Variants in FCRL2 observed in about 807,000 individuals in gnomAD.
FCRL2 encodes the protein Fc receptor like 2, also known as Fc receptor-like protein 2.
In FCRL2, 48 loss-of-function variants were observed where a neutral mutation model predicts 59.8. That is an observed-to-expected ratio of 0.80 (90% confidence interval 0.64 to 1.02). The LOEUF (loss-of-function observed/expected upper bound fraction) is 1.02, where lower values mean the gene tolerates loss of function less well. Ranked by LOEUF, FCRL2 falls within the 50% of genes least tolerant of loss-of-function variation. The pLI is 0.00. For missense variants in FCRL2, 658 were observed against 597.3 expected (o/e 1.10, Z -1.06); for synonymous variants, 251 against 229.5 (o/e 1.09, Z -0.85).
At chr1:157,772,893 C>G (rs1429553383) in intron 2 of FCRL2, among the ~76,000 whole-genome samples, 2 of 152,176 alleles carry the variant, frequency 1.3e-5, no homozygotes, top group East Asian at 1.9e-4. Flanking sequence ...CTCTAGAACT[C>G]TCTCTCACCA....
intron 2 of FCRL2, among the ~76,000 whole-genome samples, chr1:157,773,404 G>A (rs112810844): frequency 1.3e-5 from 2 of 152,302 alleles, no homozygotes; most frequent in African/African-American, 4.8e-5. Context: ...GGAATAAGAG[G>A]TCATCATAAC....
In FCRL2 at chr1:157,767,248, A is replaced by T. The variant is rs1649568476; in HGVS notation, c.1145T>A (p.Val382Glu). Residue 382 changes from valine (V) to glutamate (E), a missense_variant, in exon 6 of 12, where the codon GTG becomes GAG. Coordinates refer to ENST00000361516, the MANE Select transcript of FCRL2 (RefSeq NM_030764.4). ...NGLGAQCSEA[V>E]PVSISGPDGY... ...CCACCCACCTGAGATGGAGACTGGC[A>T]CTGCCTCACTGCACTGGGCCCCCAG... 1 of 1,613,230 alleles carries T rather than the reference A, an allele frequency of 6.2e-7. No homozygotes were observed. The highest frequency in any genetic ancestry group is 1.3e-5 in the African/African-American group (1 of 74,896).
intron 4 of FCRL2, 92 bp from the exon 5 acceptor site, chr1:157,768,793 A>T (rs971480984): frequency 8.1e-7 from 1 of 1,241,904 alleles, no homozygotes; most frequent in South Asian, 1.5e-5. Context: ...AAATGTGGGA[A>T]TGTGGAGATT....
intron 7 of FCRL2, among the ~76,000 whole-genome samples, chr1:157,764,066 T>G (rs2101722276): frequency 2.8e-5 from 4 of 142,646 alleles, no homozygotes; most frequent in South Asian, 2.2e-4. Context: ...TAGCCGGGTG[T>G]GGTGGCACAC....
intron 2 of FCRL2, among the ~76,000 whole-genome samples, chr1:157,771,388 C>T (rs1392663481): frequency 6.6e-6 from 1 of 152,148 alleles, no homozygotes; most frequent in Non-Finnish European, 1.5e-5. Context: ...AGGTCCCATC[C>T]CCTCTTCTTA....
chr1:157,746,477 A>G lies in FCRL2; in HGVS notation c.*259T>C. 3.6e-6 allele frequency: 2 copies of G among 548,192 alleles called. No homozygotes were observed. Among genetic ancestry groups the G allele is most frequent in the Non-Finnish European group, 3.3e-6 (1 of 306,094 alleles). 34.0% of individuals were successfully genotyped at this position (548,192 alleles called of 1,614,324 possible). The stretch of plus-strand genomic sequence containing the variant: ...TCATTCTTCCCTCAAATCTTTACAC[A>G]CTGATTGCTTAAGAGAAGGTAGCAG... On this transcript the variant is annotated 3_prime_UTR_variant, in exon 12 of 12. Coordinates refer to ENST00000361516, the MANE Select transcript of FCRL2 (RefSeq NM_030764.4).
At chr1:157,771,065 T>A (rs974404304) in intron 2 of FCRL2, among the ~76,000 whole-genome samples, 1 of 152,072 alleles carries the variant, frequency 6.6e-6, no homozygotes, top group Non-Finnish European at 1.5e-5. Flanking sequence ...AAAGCATTAG[T>A]CCTATTCATG....
chr1:157,766,062 T>C (rs1472932166), intron 7 of FCRL2, among the ~76,000 whole-genome samples: 1 of 152,198 alleles, frequency 6.6e-6, no homozygotes, highest in Non-Finnish European at 1.5e-5. Flanking sequence ...TGGGTGAAGA[T>C]GGCTTCTTAT....
chr1:157,763,079 T>C (rs1395284867), intron 7 of FCRL2, among the ~76,000 whole-genome samples: 2 of 151,926 alleles, frequency 1.3e-5, no homozygotes, highest in Admixed American at 1.3e-4. Context: ...CCACTTAAAT[T>C]CCCCAAGATT....
intron 5 of FCRL2, 173 bp downstream of exon 5, chr1:157,768,241 C>T (rs1379190770): frequency 1.7e-6 from 1 of 601,862 alleles, no homozygotes; most frequent in Non-Finnish European, 2.9e-6. Flanking sequence ...ATATTTCCTT[C>T]CACAAAAAGA....
intron 7 of FCRL2, 27 bp from the exon 8 acceptor site, chr1:157,749,704 T>G (rs746115849): frequency 6.3e-7 from 1 of 1,599,332 alleles, no homozygotes. Flanking sequence ...ACAAAATTCA[T>G]TTCAGAGAAG....
At chr1:157,768,945 T>C (rs554652859) in intron 4 of FCRL2, 1 of 432,066 alleles carries the variant, frequency 2.3e-6, no homozygotes, top group South Asian at 4.5e-5. Context: ...TTGTGATAGA[T>C]CTCCATGAGA....
At chr1:157,772,986 T>C (rs1015993718) in intron 2 of FCRL2, among the ~76,000 whole-genome samples, 1 of 152,140 alleles carries the variant, frequency 6.6e-6, no homozygotes, top group Non-Finnish European at 1.5e-5. Flanking sequence ...AAGCAAGTCA[T>C]GTAGACTTGC....
chr1:157,749,138 T>C (rs569671524), intron 8 of FCRL2, among the ~76,000 whole-genome samples, 178 bp from the exon 9 acceptor site: 2 of 152,316 alleles, frequency 1.3e-5, no homozygotes, highest in East Asian at 1.9e-4. Flanking sequence ...CTGTTCCTTA[T>C]CTTTGGCTTT....
chr1:157,766,739 G>T lies in FCRL2; in HGVS notation c.1279+116C>A, dbSNP rs934391056. Reference sequence around the variant, plus strand: ...CTTGCAGAATTATGAAGCATAAAAAGAAATTATTGGCTTTTGGAGAGTTTT... The same window carrying T: ...CTTGCAGAATTATGAAGCATAAAAATAAATTATTGGCTTTTGGAGAGTTTT... On this transcript the variant is annotated intron_variant, in intron 7 of 11. Transcript: ENST00000361516. The T allele has an allele frequency of 1.1e-5, 16 of 1,523,444 alleles. No homozygotes were observed. The East Asian group carries it at 3.1e-4, about 29-fold the overall frequency. 94.4% of individuals were successfully genotyped at this position (1,523,444 alleles called of 1,614,324 possible). A position where few individuals can be genotyped will look rare whatever the true frequency, so the allele number is the denominator to read the frequency against.
At chr1:157,763,595 ACT>A (rs1251504742) in intron 7 of FCRL2, among the ~76,000 whole-genome samples, 2 of 152,188 alleles carry the variant, frequency 1.3e-5, no homozygotes, top group African/African-American at 4.8e-5. Flanking sequence ...ATGTTGCCCA[ACT>A]CTGTGTTACC....
In FCRL2 at chr1:157,768,607, C is replaced by T. The variant is rs772195391; in HGVS notation, c.690G>A (p.Gly230=). 6.2e-7 allele frequency: 1 copy of T among 1,614,174 alleles called. No homozygotes were observed. The highest frequency in any genetic ancestry group is 1.1e-5 in the South Asian group (1 of 91,086). Residue 230 remains glycine (G), a synonymous_variant, in exon 5 of 12, where the codon GGG becomes GGA. Transcript: ENST00000361516. ...QKLILLCSVA[G]GTGNVTFSWY... Reference sequence around the variant, plus strand: ...AGGAGAATGTGACATTTCCTGTACCCCCAGCCACTGAGCAGAGCAGGATCA... The same window carrying T: ...AGGAGAATGTGACATTTCCTGTACCTCCAGCCACTGAGCAGAGCAGGATCA...
At chr1:157,754,002 A>G (rs1210085132) in intron 7 of FCRL2, among the ~76,000 whole-genome samples, 1 of 152,094 alleles carries the variant, frequency 6.6e-6, no homozygotes, top group Admixed American at 6.5e-5. Flanking sequence ...ATCACATAGA[A>G]ATAATGAAAT....
At chr1:157,757,158 CT>C (rs1377721095) in intron 7 of FCRL2, among the ~76,000 whole-genome samples, 2 of 152,158 alleles carry the variant, frequency 1.3e-5, no homozygotes, top group Admixed American at 1.3e-4. Flanking sequence ...ATCAATGGGA[CT>C]TTTTGATCAA....
Sources: gnomAD v4.1 joint callset for allele counts (sites outside exome capture counted in the v4.1 genomes callset) on GRCh38, gnomAD v4.1.1 for gene constraint, MANE v1.5 for transcripts, NCBI Gene and HGNC (gene_info 2026-07-23, HGNC 2026-07-21) for gene names.